Variants in PCDH9 observed in about 807,000 individuals in gnomAD.
PCDH9 encodes the protein protocadherin-9.
Under a neutral mutation model 70.6 loss-of-function variants are expected in PCDH9, and 24 were observed. The ratio of observed to expected loss-of-function variants is 0.34; its 90% CI spans 0.25 to 0.48. The LOEUF is 0.48. Among genes scored for constraint, PCDH9 ranks in the 20% least tolerant of loss-of-function variants. The pLI, the probability that PCDH9 is intolerant of heterozygous loss-of-function variation, is 0.99. For synonymous variants in PCDH9, 562 were observed against 558.5 expected, an observed-to-expected ratio of 1.01 and a Z score of -0.09; for missense variants, 1,281 against 1,503.6, an observed-to-expected ratio of 0.85 and a Z score of 2.45.
intron 2 of PCDH9, among the ~76,000 whole-genome samples, chr13:67,145,722 T>A (rs2087507608): frequency 6.6e-6 from 1 of 151,942 alleles, no homozygotes; most frequent in Non-Finnish European, 1.5e-5. Context: ...AAACCATCCA[T>A]CTCAAAAGGC....
chr13:66,797,766 A>G (rs2080266632), intron 3 of PCDH9, among the ~76,000 whole-genome samples: 1 of 152,116 alleles, frequency 6.6e-6, no homozygotes, highest in Non-Finnish European at 1.5e-5. Context: ...TATTTTTTTA[A>G]TATGGGACAT....
intron 4 of PCDH9, among the ~76,000 whole-genome samples, chr13:66,502,309 C>G (rs1178899228): frequency 6.6e-6 from 1 of 152,118 alleles, no homozygotes; most frequent in Non-Finnish European, 1.5e-5. Flanking sequence ...ATTTTTAATA[C>G]ATGACTGTGA....
chr13:67,149,857 C>T (rs2087613629), intron 2 of PCDH9, among the ~76,000 whole-genome samples: 1 of 152,004 alleles, frequency 6.6e-6, no homozygotes, highest in Non-Finnish European at 1.5e-5. Flanking sequence ...TATGAACACC[C>T]CATATGGTAT....
intron 4 of PCDH9, among the ~76,000 whole-genome samples, chr13:66,409,034 CAAG>C (rs1481387598): frequency 6.6e-6 from 1 of 151,430 alleles, no homozygotes; most frequent in East Asian, 1.9e-4. Flanking sequence ...AGAATACATA[CAAG>C]AATAGAATGA....
chr13:66,445,682 A>G (rs867244282), intron 4 of PCDH9, among the ~76,000 whole-genome samples: 52 of 145,404 alleles, frequency 3.6e-4, no homozygotes, highest in African/African-American at 1.3e-3. Context: ...ATACACATAT[A>G]TAATATATAC....
intron 2 of PCDH9, among the ~76,000 whole-genome samples, chr13:67,165,716 CATT>C (rs1304479495): frequency 6.6e-6 from 1 of 152,030 alleles, no homozygotes; most frequent in African/African-American, 2.4e-5. Context: ...ATTTTAAACA[CATT>C]ATCTTTTAAA....
chr13:66,691,577 G>GA (rs201606889), intron 3 of PCDH9, among the ~76,000 whole-genome samples: 10 of 151,290 alleles, frequency 6.6e-5, no homozygotes, highest in Admixed American at 3.3e-4. Flanking sequence ...ATAAGCAATA[G>GA]AAAAAAAATA....
chr13:66,840,087 T>C (rs1240790577), intron 3 of PCDH9, among the ~76,000 whole-genome samples: 30 of 152,100 alleles, frequency 2.0e-4, no homozygotes, highest in Admixed American at 2.0e-3. Flanking sequence ...GCCCTTGTGG[T>C]GCTCTGTTCA....
chr13:66,731,252 A>G (rs2079076010), intron 3 of PCDH9, among the ~76,000 whole-genome samples: 1 of 152,094 alleles, frequency 6.6e-6, no homozygotes, highest in Non-Finnish European at 1.5e-5. Context: ...ATAACTCACT[A>G]AGGAAGCTTA....
At chr13:66,610,092 A>G (rs1034708001) in intron 4 of PCDH9, among the ~76,000 whole-genome samples, 2 of 151,722 alleles carry the variant, frequency 1.3e-5, no homozygotes, top group Admixed American at 6.6e-5. Context: ...TTCTTATTTA[A>G]TAACAATAGT....
chr13:66,747,664 T>C (rs1277487722), intron 3 of PCDH9, among the ~76,000 whole-genome samples: 1 of 152,168 alleles, frequency 6.6e-6, no homozygotes, highest in Non-Finnish European at 1.5e-5. Flanking sequence ...TGTATGTTTA[T>C]ATATAATCAA....
intron 3 of PCDH9, among the ~76,000 whole-genome samples, chr13:66,692,139 G>C (rs1259963746): frequency 6.6e-6 from 1 of 152,086 alleles, no homozygotes; most frequent in Non-Finnish European, 1.5e-5. Flanking sequence ...ATGGCATGAA[G>C]AAATTTTGTC....
chr13:66,988,143 C>T (rs1247200743), intron 2 of PCDH9, among the ~76,000 whole-genome samples: 1 of 151,912 alleles, frequency 6.6e-6, no homozygotes, highest in Non-Finnish European at 1.5e-5. Context: ...TCAAGAGATC[C>T]TTGCACCTTG....
At chr13:66,525,756 T>C (rs1168190357) in intron 4 of PCDH9, among the ~76,000 whole-genome samples, 3 of 152,138 alleles carry the variant, frequency 2.0e-5, no homozygotes, top group Admixed American at 2.0e-4. Flanking sequence ...GCCATTTTAT[T>C]TGCATCTTCC....
intron 2 of PCDH9, among the ~76,000 whole-genome samples, chr13:67,154,593 A>ATATATAT (rs1278309789): frequency 2.3e-5 from 2 of 85,792 alleles, no homozygotes; most frequent in South Asian, 4.0e-4. Flanking sequence ...AAAAAAAAAA[A>ATATATAT]AAATATATAT....
At chr13:66,484,602 T>A (rs1958906913) in intron 4 of PCDH9, among the ~76,000 whole-genome samples, 1 of 152,224 alleles carries the variant, frequency 6.6e-6, no homozygotes, top group Admixed American at 6.5e-5. Context: ...TTGCCATTGA[T>A]ACTGAGAAAG....
At position 67,115,466 on chromosome 13, in the gene PCDH9, T is replaced by C. The variant is rs116749045; in HGVS notation, c.3036+109939A>G. ...TCTCTGCCTGCTATCTCTGGACCCT[T>C]TTCAATGCAATCCTTCTTTTGCTGC... On this transcript the variant is annotated intron_variant, in intron 2 of 4. Coordinates refer to ENST00000377865, the MANE Select transcript of PCDH9 (RefSeq NM_203487.3). 4.2e-3 allele frequency among the ~76,000 whole-genome samples: 645 copies of C among 152,314 alleles called. 7 individuals are homozygous for C. The highest frequency in any genetic ancestry group is 0.015 in the African/African-American group (603 of 41,568).
chr13:66,474,065 TTGACTC>T (rs1958672027), intron 4 of PCDH9, among the ~76,000 whole-genome samples: 1 of 152,184 alleles, frequency 6.6e-6, no homozygotes, highest in Admixed American at 6.5e-5. Flanking sequence ...TTTAAGGAAA[TTGACTC>T]TGACAACAAA....
intron 3 of PCDH9, among the ~76,000 whole-genome samples, chr13:66,824,781 C>G (rs986982080): frequency 6.8e-6 from 1 of 147,874 alleles, no homozygotes; most frequent in Non-Finnish European, 1.5e-5. Flanking sequence ...AGATGTAGAA[C>G]ATTAAAATTC....
Sources: gnomAD v4.1 joint callset for allele counts (sites outside exome capture counted in the v4.1 genomes callset) on GRCh38, gnomAD v4.1.1 for gene constraint, MANE v1.5 for transcripts, NCBI Gene and HGNC (gene_info 2026-07-23, HGNC 2026-07-21) for gene names.